QRICH1: variants seen among roughly 807,000 people sequenced by gnomAD.
The protein encoded by QRICH1 is glutamine rich 1.
In QRICH1, 16 loss-of-function variants were observed where a neutral mutation model predicts 87.1. That is an observed-to-expected ratio of 0.18 (90% CI 0.12 to 0.28). The LOEUF (loss-of-function observed/expected upper bound fraction) is 0.28. Among genes scored for constraint, QRICH1 ranks in the 10% least tolerant of loss-of-function variants. QRICH1 has a pLI of 1.00. For synonymous variants in QRICH1, 367 were observed against 368.4 expected, an observed-to-expected ratio of 1.00 and a Z score of 0.05; for missense variants, 647 against 951.7, an observed-to-expected ratio of 0.68 and a Z score of 4.21.
chr3:49,061,507 T>G (rs549454230), intron 2 of QRICH1, among the ~76,000 whole-genome samples: 1 of 152,028 alleles, frequency 6.6e-6, no homozygotes, highest in African/African-American at 2.4e-5. Context: ...ATCAGACACA[T>G]AGATAAATTA....
intron 2 of QRICH1, among the ~76,000 whole-genome samples, chr3:49,073,296 C>A (rs1196999973): frequency 4.6e-5 from 7 of 152,150 alleles, no homozygotes; most frequent in Admixed American, 4.6e-4. Flanking sequence ...CACACCTGTA[C>A]TTTGGAGGCC....
intron 1 of QRICH1, among the ~76,000 whole-genome samples, chr3:49,078,906 G>A (rs1318802418): frequency 1.3e-5 from 2 of 151,510 alleles, no homozygotes. Flanking sequence ...TGGCCTGGCT[G>A]GTCTCAAACT....
chr3:49,073,105 C>T (rs1278204177), intron 2 of QRICH1, among the ~76,000 whole-genome samples: 1 of 152,102 alleles, frequency 6.6e-6, no homozygotes, highest in Non-Finnish European at 1.5e-5. Context: ...CCTCTCCATA[C>T]TCCTGCCTCT....
chr3:49,060,010 GAGT>G (rs924477999), intron 2 of QRICH1, among the ~76,000 whole-genome samples: 24 of 149,022 alleles, frequency 1.6e-4, no homozygotes, highest in Non-Finnish European at 2.4e-4. Flanking sequence ...TCAGCCTCCC[GAGT>G]AGCTGGGACT....
intron 1 of QRICH1, among the ~76,000 whole-genome samples, chr3:49,089,965 G>A (rs2042242764): frequency 6.6e-6 from 1 of 152,192 alleles, no homozygotes; most frequent in Non-Finnish European, 1.5e-5. Context: ...TCATTAAATT[G>A]TACAGAGATC....
intron 1 of QRICH1, among the ~76,000 whole-genome samples, chr3:49,089,822 T>C (rs1342309104): frequency 6.6e-6 from 1 of 152,178 alleles, no homozygotes; most frequent in Non-Finnish European, 1.5e-5. Context: ...AAGAATGTTA[T>C]CACAGAATAA....
chr3:49,043,496 CAA>C (rs57402124), intron 6 of QRICH1, among the ~76,000 whole-genome samples: 17 of 37,618 alleles, frequency 4.5e-4, no homozygotes, highest in African/African-American at 2.0e-3. Flanking sequence ...AACTCTGTCT[CAA>C]AAAAAAAAAA....
At chr3:49,063,481 G>T (rs1336901036) in intron 2 of QRICH1, among the ~76,000 whole-genome samples, 2 of 152,176 alleles carry the variant, frequency 1.3e-5, no homozygotes, top group Non-Finnish European at 2.9e-5. Flanking sequence ...CAGTTTTCAA[G>T]ATTTCTTAGT....
chr3:49,037,293 A>G (rs1202659233), intron 6 of QRICH1, among the ~76,000 whole-genome samples: 1 of 152,208 alleles, frequency 6.6e-6, no homozygotes, highest in Non-Finnish European at 1.5e-5. Flanking sequence ...TTACCAATCA[A>G]TTGTAGATAC....
At chr3:49,037,301 T>C (rs2093281636) in intron 6 of QRICH1, among the ~76,000 whole-genome samples, 1 of 152,166 alleles carries the variant, frequency 6.6e-6, no homozygotes, top group Non-Finnish European at 1.5e-5. Context: ...CAATTGTAGA[T>C]ACATGGGGAA....
At chr3:49,067,626 T>A (rs567051849) in intron 2 of QRICH1, among the ~76,000 whole-genome samples, 33 of 152,166 alleles carry the variant, frequency 2.2e-4, no homozygotes, top group South Asian at 1.0e-3. Context: ...TCAATTTTTT[T>A]AATTTATATA....
chr3:49,044,539 G>A (rs2093328552), intron 5 of QRICH1, 35 bp from the exon 6 acceptor site: 2 of 1,422,134 alleles, frequency 1.4e-6, no homozygotes, highest in Non-Finnish European at 2.0e-6. Context: ...GTTATTGGTA[G>A]TCTCCTGAAC....
chr3:49,076,488 T>C lies in QRICH1; in HGVS notation c.309+221A>G, dbSNP rs76822092. Reference sequence around the variant, plus strand: ...TAGCTAAGCAGATCCCTGGCTGCAATCTATTCAAAGTCAGTCCTTGACACT... The same window carrying C: ...TAGCTAAGCAGATCCCTGGCTGCAACCTATTCAAAGTCAGTCCTTGACACT... On this transcript the variant is annotated intron_variant, in intron 2 of 9. Transcript: ENST00000395443. 6.3e-3 allele frequency among the ~76,000 whole-genome samples: 937 copies of C among 149,172 alleles called. 12 individuals carry two copies. The highest frequency in any genetic ancestry group is 0.022 in the African/African-American group (894 of 40,312).
At chr3:49,043,772 G>T (rs1191722119) in intron 6 of QRICH1, among the ~76,000 whole-genome samples, 2 of 152,148 alleles carry the variant, frequency 1.3e-5, no homozygotes, top group African/African-American at 4.8e-5. Flanking sequence ...GGCGGAGGCT[G>T]CAGTGAGCCA....
At chr3:49,034,544 A>C (rs1489837741) in intron 6 of QRICH1, among the ~76,000 whole-genome samples, 1 of 152,050 alleles carries the variant, frequency 6.6e-6, no homozygotes, top group Non-Finnish European at 1.5e-5. Context: ...GAGCTCTTGG[A>C]CTCAAAGACT....
At chr3:49,069,105 TTA>T (rs1306953689) in intron 2 of QRICH1, among the ~76,000 whole-genome samples, 26 of 66,316 alleles carry the variant, frequency 3.9e-4, no homozygotes, top group Middle Eastern at 7.6e-3. Flanking sequence ...ATTATTATTA[TTA>T]TTTTTTTTTT....
At chr3:49,056,202 C>G (rs2093401501) in intron 3 of QRICH1, among the ~76,000 whole-genome samples, 1 of 151,974 alleles carries the variant, frequency 6.6e-6, no homozygotes, top group Admixed American at 6.6e-5. Flanking sequence ...TCTCAAACTC[C>G]TGACCTTGTG....
At chr3:49,062,192 G>C (rs1006271536) in intron 2 of QRICH1, among the ~76,000 whole-genome samples, 1 of 151,824 alleles carries the variant, frequency 6.6e-6, no homozygotes, top group African/African-American at 2.4e-5. Flanking sequence ...AAAATTAGCT[G>C]GGCGTGGTTA....
chr3:49,077,131 G>T, intron 1 of QRICH1, 93 bp from the exon 2 acceptor site: 1 of 809,592 alleles, frequency 1.2e-6, no homozygotes, highest in African/African-American at 1.8e-5. Context: ...ATATATTCAG[G>T]GCAGCTGTAT....
Sources: allele counts gnomAD v4.1 joint callset (sites outside exome capture counted in the v4.1 genomes callset), GRCh38; gene constraint gnomAD v4.1.1; transcripts MANE v1.5; gene names NCBI Gene and HGNC (gene_info 2026-07-23, HGNC 2026-07-21).